The following SCFD2 variants were observed in gnomAD, a reference collection of about 807,000 sequenced individuals.
The protein encoded by SCFD2 is sec1 family domain containing 2, also known as sec1 family domain-containing protein 2.
In SCFD2, 54 loss-of-function variants were observed where a neutral mutation model predicts 58.9. That is an observed-to-expected ratio of 0.92 (90% CI 0.74 to 1.15). SCFD2 has a LOEUF of 1.15. Among genes scored for constraint, SCFD2 ranks in the 50% most tolerant of loss-of-function variants. The probability of loss-of-function intolerance (pLI) is 0.00; values close to 1 mark genes in which losing one functional copy is unlikely to be tolerated. For synonymous variants in SCFD2, 321 were observed against 335.9 expected (o/e 0.96, Z 0.49); for missense variants, 805 against 836.6 (o/e 0.96, Z 0.47).
intron 5 of SCFD2, among the ~76,000 whole-genome samples, chr4:53,093,167 T>G (rs1228997266): frequency 4.6e-5 from 7 of 152,146 alleles, no homozygotes; most frequent in Non-Finnish European, 7.4e-5. Context: ...GACTTTTTTT[T>G]GCTGACTGAC....
At chr4:53,221,108 C>A (rs1729035175) in intron 4 of SCFD2, among the ~76,000 whole-genome samples, 2 of 152,334 alleles carry the variant, frequency 1.3e-5, no homozygotes, top group South Asian at 4.1e-4. Flanking sequence ...TGGCCAGGCA[C>A]TGTGCTAGTG....
At chr4:53,283,310 T>G (rs1731562689) in intron 3 of SCFD2, among the ~76,000 whole-genome samples, 1 of 152,248 alleles carries the variant, frequency 6.6e-6, no homozygotes, top group South Asian at 2.1e-4. Flanking sequence ...TTGTTGTTTC[T>G]GTGTTTTACT....
chr4:52,992,641 C>T (rs903284725), intron 5 of SCFD2, among the ~76,000 whole-genome samples: 2 of 151,674 alleles, frequency 1.3e-5, no homozygotes, highest in African/African-American at 2.4e-5. Context: ...GCCCCGCCAC[C>T]CCTTCTGGGA....
At chr4:53,049,838 G>C (rs1272719041) in intron 5 of SCFD2, among the ~76,000 whole-genome samples, 2 of 152,106 alleles carry the variant, frequency 1.3e-5, no homozygotes, top group African/African-American at 4.8e-5. Flanking sequence ...TCTCAGTGGA[G>C]GGGTTATAGG....
chr4:52,981,418 GTT>G (rs1721372511), intron 5 of SCFD2, among the ~76,000 whole-genome samples: 1 of 152,130 alleles, frequency 6.6e-6, no homozygotes, highest in Non-Finnish European at 1.5e-5. Context: ...GTATGTCTCA[GTT>G]TCAAAGCATT....
At chr4:52,874,560 TG>T (rs1023204067) in intron 8 of SCFD2, among the ~76,000 whole-genome samples, 4 of 152,206 alleles carry the variant, frequency 2.6e-5, no homozygotes, top group Non-Finnish European at 4.4e-5. Context: ...ACAAACTGGG[TG>T]GCTTAAACAA....
At chr4:53,113,699 T>C (rs1404883887) in intron 5 of SCFD2, among the ~76,000 whole-genome samples, 1 of 152,076 alleles carries the variant, frequency 6.6e-6, no homozygotes, top group Non-Finnish European at 1.5e-5. Context: ...TGTTCACTTC[T>C]GGAACCCTAG....
chr4:53,096,925 C>T lies in SCFD2; in HGVS notation c.1561+48408G>A, dbSNP rs369827178. On this transcript the variant is annotated intron_variant, in intron 5 of 8. Coordinates refer to ENST00000401642, the MANE Select transcript of SCFD2 (RefSeq NM_152540.4). ...AAGGAAGGGATCCAGTTTCAGCTTT[C>T]TACATATGGCTAGCCAGTTTTCCCA... is the stretch of plus-strand genomic sequence containing the variant. Among the ~76,000 whole-genome samples, 169 of 152,280 alleles carry T rather than the reference C, an allele frequency of 1.1e-3. 5 individuals are homozygous for T. The South Asian group carries it at 0.032, about 28-fold the overall frequency.
chr4:53,012,837 T>TG (rs1254837162), intron 5 of SCFD2, among the ~76,000 whole-genome samples: 16 of 114,822 alleles, frequency 1.4e-4, no homozygotes, highest in African/African-American at 6.1e-4. Context: ...TGTGTGTGTG[T>TG]TTTTTTTTAA....
chr4:53,016,093 GA>G (rs1488498086), intron 5 of SCFD2, among the ~76,000 whole-genome samples: 1 of 152,112 alleles, frequency 6.6e-6, no homozygotes, highest in East Asian at 1.9e-4. Flanking sequence ...TGGGGTGGAG[GA>G]ATAAATAAAA....
At chr4:53,332,613 T>C (rs950880474) in intron 2 of SCFD2, among the ~76,000 whole-genome samples, 4 of 152,198 alleles carry the variant, frequency 2.6e-5, no homozygotes, top group Admixed American at 2.0e-4. Flanking sequence ...TAGTAAGAGC[T>C]ATCTATGACA....
intron 5 of SCFD2, among the ~76,000 whole-genome samples, chr4:53,037,088 C>A (rs1216138989): frequency 6.6e-6 from 1 of 151,906 alleles, no homozygotes; most frequent in Non-Finnish European, 1.5e-5. Flanking sequence ...AGTGAATATC[C>A]CTGTATTTAA....
At chr4:53,355,825 T>G (rs1351860626) in intron 1 of SCFD2, among the ~76,000 whole-genome samples, 2 of 152,212 alleles carry the variant, frequency 1.3e-5, no homozygotes, top group Non-Finnish European at 2.9e-5. Flanking sequence ...GCACTTGCCA[T>G]TCCCTGGATC....
intron 4 of SCFD2, among the ~76,000 whole-genome samples, chr4:53,272,376 A>G (rs1323154986): frequency 6.6e-6 from 1 of 152,232 alleles, no homozygotes; most frequent in Non-Finnish European, 1.5e-5. Flanking sequence ...ATTAGAAATC[A>G]TGCCGCTATA....
intron 7 of SCFD2, among the ~76,000 whole-genome samples, chr4:52,904,750 G>A (rs1435459838): frequency 6.6e-6 from 1 of 152,214 alleles, no homozygotes; most frequent in Non-Finnish European, 1.5e-5. Flanking sequence ...GAAAATGCCT[G>A]GCAGCCTCCT....
chr4:52,899,943 G>C (rs1004564087), intron 7 of SCFD2, among the ~76,000 whole-genome samples: 1 of 151,892 alleles, frequency 6.6e-6, no homozygotes, highest in Admixed American at 6.6e-5. Context: ...TGATCGCATC[G>C]GTTACTTAGG....
At chr4:52,876,173 C>T (rs1718469646) in intron 8 of SCFD2, among the ~76,000 whole-genome samples, 1 of 151,942 alleles carries the variant, frequency 6.6e-6, no homozygotes, top group Non-Finnish European at 1.5e-5. Flanking sequence ...TCACAACTTA[C>T]AGCCTTGCTC....
chr4:53,017,061 T>C (rs1722230303), intron 5 of SCFD2, among the ~76,000 whole-genome samples: 1 of 152,022 alleles, frequency 6.6e-6, no homozygotes, highest in South Asian at 2.1e-4. Context: ...TGAGCTGAGA[T>C]TGCAACACTG....
At chr4:53,096,226 T>A (rs1472266677) in intron 5 of SCFD2, among the ~76,000 whole-genome samples, 1 of 152,222 alleles carries the variant, frequency 6.6e-6, no homozygotes, top group Non-Finnish European at 1.5e-5. Context: ...TCTTTGGGTA[T>A]ATACCCAGTA....
Sources: gnomAD v4.1 joint callset for allele counts (sites outside exome capture counted in the v4.1 genomes callset) on GRCh38, gnomAD v4.1.1 for gene constraint, MANE v1.5 for transcripts, NCBI Gene and HGNC (gene_info 2026-07-23, HGNC 2026-07-21) for gene names.